The following IGF1R variants were observed in gnomAD, a reference collection of about 807,000 sequenced individuals.
IGF1R encodes insulin like growth factor 1 receptor.
In IGF1R, 44 loss-of-function variants were observed where a neutral mutation model predicts 144.6. The ratio of observed to expected loss-of-function variants is 0.30; its 90% CI spans 0.24 to 0.39. The LOEUF (loss-of-function observed/expected upper bound fraction) is 0.39. Among genes scored for constraint, IGF1R ranks in the 10% least tolerant of loss-of-function variants. The pLI, the probability that IGF1R is intolerant of heterozygous loss-of-function variation, is 1.00. For synonymous variants in IGF1R, 795 were observed against 722.8 expected, an observed-to-expected ratio of 1.10 and a Z score of -1.60; for missense variants, 1,355 against 1,833.7, an observed-to-expected ratio of 0.74 and a Z score of 4.77.
intron 2 of IGF1R, among the ~76,000 whole-genome samples, chr15:98,797,185 G>A (rs919779230): frequency 6.6e-6 from 1 of 152,236 alleles, no homozygotes; most frequent in African/African-American, 2.4e-5. Context: ...CTTGCGGGGT[G>A]ATTTTTCCTC....
At chr15:98,775,168 C>A (rs1216079088) in intron 2 of IGF1R, among the ~76,000 whole-genome samples, 1 of 152,250 alleles carries the variant, frequency 6.6e-6, no homozygotes, top group East Asian at 1.9e-4. Flanking sequence ...AAATGGATGA[C>A]CCCCAGCTGG....
intron 2 of IGF1R, among the ~76,000 whole-genome samples, chr15:98,766,369 C>T (rs1019074337): frequency 1.4e-4 from 21 of 152,274 alleles, no homozygotes; most frequent in African/African-American, 4.6e-4. Flanking sequence ...CTGATTCCCA[C>T]CTTTCACTTT....
chr15:98,723,500 G>A (rs1017313952), intron 2 of IGF1R, among the ~76,000 whole-genome samples: 2 of 152,152 alleles, frequency 1.3e-5, no homozygotes. Context: ...TTCAGCTCCT[G>A]GTACTTAATG....
chr15:98,709,209 A>C (rs1444512971), intron 2 of IGF1R, among the ~76,000 whole-genome samples: 2 of 152,250 alleles, frequency 1.3e-5, no homozygotes, highest in African/African-American at 4.8e-5. Context: ...CTTGCCTAAA[A>C]TAAATAAAAG....
intron 2 of IGF1R, among the ~76,000 whole-genome samples, chr15:98,735,182 A>G (rs1289395668): frequency 1.3e-5 from 2 of 152,146 alleles, no homozygotes; most frequent in Non-Finnish European, 2.9e-5. Flanking sequence ...CAGTCCAGGT[A>G]GGGTTTTATG....
chr15:98,949,596 C>G (rs1207299008), intron 20 of IGF1R, among the ~76,000 whole-genome samples: 1 of 152,148 alleles, frequency 6.6e-6, no homozygotes, highest in East Asian at 1.9e-4. Flanking sequence ...GTCTTGAACT[C>G]CTGACCTCAG....
chr15:98,900,208 G>A (rs534345825), intron 5 of IGF1R, among the ~76,000 whole-genome samples: 5 of 152,296 alleles, frequency 3.3e-5, no homozygotes, highest in African/African-American at 4.8e-5. Context: ...TAAAATAACC[G>A]TGGGCTTTTC....
chr15:98,746,602 A>G (rs1023021634), intron 2 of IGF1R, among the ~76,000 whole-genome samples: 9 of 152,162 alleles, frequency 5.9e-5, no homozygotes, highest in African/African-American at 2.2e-4. Context: ...TGGAGGCAAA[A>G]CTAGATATTT....
intron 19 of IGF1R, among the ~76,000 whole-genome samples, chr15:98,943,485 C>G (rs1049343281): frequency 3.3e-5 from 5 of 152,194 alleles, no homozygotes; most frequent in Non-Finnish European, 1.5e-5. Flanking sequence ...CTTATGAGTC[C>G]TGATTGTGTT....
At chr15:98,835,469 T>G (rs1421617185) in intron 2 of IGF1R, among the ~76,000 whole-genome samples, 1 of 152,058 alleles carries the variant, frequency 6.6e-6, no homozygotes, top group East Asian at 1.9e-4. Context: ...TCTTTAGGAG[T>G]AATTGTTTCT....
chr15:98,961,129 C>T lies in IGF1R; in HGVS notation c.*3687C>T, dbSNP rs376322044. 8 of 233,526 alleles carry T rather than the reference C, an allele frequency of 3.4e-5. No individual in the cohort carries two copies. Among genetic ancestry groups the T allele is most frequent in the East Asian group, 1.2e-4 (2 of 16,568 alleles). 14.5% of individuals were successfully genotyped at this position (233,526 alleles called of 1,614,324 possible). On this transcript the variant is annotated 3_prime_UTR_variant, in exon 21 of 21. Coordinates refer to ENST00000650285, the MANE Select transcript of IGF1R (RefSeq NM_000875.5). ...ACGCGACCCATCTCTCCCAGGACCC[C>T]GGGGATCTTAAGGTCATTGAGAAAT...
chr15:98,758,688 C>T (rs566504082), intron 2 of IGF1R, among the ~76,000 whole-genome samples: 6 of 152,178 alleles, frequency 3.9e-5, no homozygotes, highest in Non-Finnish European at 8.8e-5. Context: ...GAACTGTACC[C>T]GCTCTCTGTT....
intron 1 of IGF1R, among the ~76,000 whole-genome samples, chr15:98,668,707 T>C (rs995244678): frequency 2.6e-5 from 4 of 152,220 alleles, no homozygotes; most frequent in Non-Finnish European, 4.4e-5. Context: ...CTGAAAACTC[T>C]GTTCCATGTA....
chr15:98,870,423 G>T (rs553827835), intron 2 of IGF1R, among the ~76,000 whole-genome samples: 62 of 152,328 alleles, frequency 4.1e-4, no homozygotes, highest in Non-Finnish European at 8.4e-4. Context: ...TCTTGGGAAT[G>T]ATGACATCCA....
At chr15:98,725,885 C>T (rs188917621) in intron 2 of IGF1R, among the ~76,000 whole-genome samples, 1 of 152,318 alleles carries the variant, frequency 6.6e-6, no homozygotes, top group Non-Finnish European at 1.5e-5. Context: ...CATCAGATCT[C>T]GTCAGACTTA....
intron 1 of IGF1R, among the ~76,000 whole-genome samples, chr15:98,696,832 A>G (rs1302377219): frequency 2.6e-5 from 4 of 152,060 alleles, no homozygotes; most frequent in Non-Finnish European, 5.9e-5. Flanking sequence ...ATTGGCCTTC[A>G]TGGGGCTGCT....
At chr15:98,856,801 AC>A (rs2011844767) in intron 2 of IGF1R, among the ~76,000 whole-genome samples, 1 of 152,238 alleles carries the variant, frequency 6.6e-6, no homozygotes, top group African/African-American at 2.4e-5. Flanking sequence ...GCAATAGCAA[AC>A]AGAACACTTG....
chr15:98,916,954 A>AGT, intron 10 of IGF1R, 78 bp downstream of exon 10: 1 of 1,243,286 alleles, frequency 8.0e-7, no homozygotes, highest in Non-Finnish European at 1.2e-6. Context: ...CCCACCAGGT[A>AGT]GTGTGTAAGT....
chr15:98,939,677 G>T (rs558739058), intron 18 of IGF1R, among the ~76,000 whole-genome samples: 1 of 152,240 alleles, frequency 6.6e-6, no homozygotes, highest in Non-Finnish European at 1.5e-5. Flanking sequence ...ATGTCTTCAG[G>T]AGATTTTGAC....
Sources: gnomAD v4.1 joint callset for allele counts (sites outside exome capture counted in the v4.1 genomes callset) on GRCh38, gnomAD v4.1.1 for gene constraint, MANE v1.5 for transcripts, NCBI Gene and HGNC (gene_info 2026-07-23, HGNC 2026-07-21) for gene names.